The following MTR variants were observed in gnomAD, a reference collection of about 807,000 sequenced individuals.
MTR encodes 5-methyltetrahydrofolate-homocysteine methyltransferase, also known as methionine synthase.
A neutral mutation model predicts 154.8 loss-of-function variants in MTR; 84 were observed. The observed-to-expected ratio is 0.54, with a 90% confidence interval of 0.45 to 0.65. The LOEUF (loss-of-function observed/expected upper bound fraction) is 0.65, where lower values mean the gene tolerates loss of function less well. MTR is among the 30% of genes least tolerant of loss of function. The pLI is 0.00. For missense variants in MTR, 1,275 were observed against 1,570.2 expected, an observed-to-expected ratio of 0.81 and a Z score of 3.18; for synonymous variants, 554 against 553.9, an observed-to-expected ratio of 1.00 and a Z score of 0.00.
At chr1:236,885,618 C>T (rs1266977500) in intron 26 of MTR, among the ~76,000 whole-genome samples, 1 of 152,130 alleles carries the variant, frequency 6.6e-6, no homozygotes, top group Non-Finnish European at 1.5e-5. Flanking sequence ...GAGGCAGGAC[C>T]AGTATAAGCC....
chr1:236,846,575 A>G (rs958315834), intron 15 of MTR, among the ~76,000 whole-genome samples: 3 of 152,228 alleles, frequency 2.0e-5, no homozygotes, highest in African/African-American at 7.2e-5. Context: ...GAAAATAACA[A>G]GGAATTGGTA....
rs548294578 is a variant in MTR at position 236,838,373 on chromosome 1, C to T, written c.1330-41C>T. On this transcript the variant is annotated intron_variant, in intron 14 of 32. Coordinates refer to ENST00000366577, the MANE Select transcript of MTR (RefSeq NM_000254.3). ...GCCTTTGAAAAGTAATTTATAGTGACCTGTGGCCTCTGTGTGATTTTCTTG... is the reference window on the plus strand; with the variant it reads ...GCCTTTGAAAAGTAATTTATAGTGATCTGTGGCCTCTGTGTGATTTTCTTG... The T allele has an allele frequency of 5.7e-5, 91 of 1,598,980 alleles. No individual in the cohort carries two copies. The South Asian group carries it at 9.6e-4, about 17-fold the overall frequency.
rs67705775 is a variant in MTR, at chr1:236,897,645, C to CTTTTT, written c.*12_*16dup. On this transcript the variant is annotated 3_prime_UTR_variant, in exon 33 of 33. Coordinates refer to ENST00000366577, the MANE Select transcript of MTR (RefSeq NM_000254.3). ...CATTTTGGGATATGATACAGACTAA[C>CTTTTT]TTTTTTTTTTTTTTTGCCTTTTTTA... 1 of 1,505,672 alleles carries CTTTTT rather than the reference C, an allele frequency of 6.6e-7. No individual in the cohort carries two copies. The highest frequency in any genetic ancestry group is 2.3e-5 in the East Asian group (1 of 43,466). The allele number at this position is 1,505,672 out of a possible 1,614,324, so 93.3% of individuals were successfully genotyped here. A position where few individuals can be genotyped will look rare whatever the true frequency, so the allele number is the denominator to read the frequency against.
intron 1 of MTR, among the ~76,000 whole-genome samples, chr1:236,797,989 C>G (rs1558266833): frequency 6.7e-6 from 1 of 150,208 alleles, no homozygotes; most frequent in African/African-American, 2.5e-5. Flanking sequence ...AAAACAAAAC[C>G]AAAAAAACAA....
At chr1:236,819,788 G>A in intron 8 of MTR, 1 of 759,682 alleles carries the variant, frequency 1.3e-6, no homozygotes, top group Non-Finnish European at 2.4e-6. Flanking sequence ...TCATAAATCT[G>A]AAGAGGACCT....
chr1:236,893,424 T>C (rs896424192), intron 29 of MTR, among the ~76,000 whole-genome samples: 3 of 152,178 alleles, frequency 2.0e-5, no homozygotes, highest in Non-Finnish European at 4.4e-5. Context: ...GCATGGGTTG[T>C]GGTACCAGCC....
intron 27 of MTR, among the ~76,000 whole-genome samples, chr1:236,888,582 A>C (rs1666146404): frequency 6.6e-6 from 1 of 152,246 alleles, no homozygotes; most frequent in Admixed American, 6.5e-5. Context: ...GTAATAAATC[A>C]GCTTTTCCTT....
chr1:236,832,161 GAT>G (rs1662651236), intron 13 of MTR, 83 bp downstream of exon 13: 3 of 1,090,912 alleles, frequency 2.7e-6, no homozygotes, highest in Admixed American at 1.8e-5. Context: ...CTCTGCCTTT[GAT>G]AGTGTTATTA....
rs937660701 is a variant in MTR at position 236,880,615 on chromosome 1, C to T, written c.2595-140C>T. The T allele has an allele frequency of 3.9e-6, 3 of 760,448 alleles. No homozygotes were observed. In the Admixed American group the frequency reaches 6.1e-5, roughly 15 times the overall value. 47.1% of individuals were successfully genotyped at this position (760,448 alleles called of 1,614,324 possible). On this transcript the variant is annotated intron_variant, in intron 24 of 32. Coordinates refer to ENST00000366577, the MANE Select transcript of MTR (RefSeq NM_000254.3). ...TGTTTTACGAGGGAAATTTGAAGTT[C>T]AGTATTTGTAGGTAAGCACCTTGAA...
chr1:236,845,072 G>C (rs188056759), intron 15 of MTR, among the ~76,000 whole-genome samples: 111 of 152,322 alleles, frequency 7.3e-4, no homozygotes, highest in Admixed American at 2.4e-3. Context: ...TGACCACCGA[G>C]GTGGCGGCCA....
chr1:236,795,804 C>T (rs1572169876), intron 1 of MTR, 67 bp downstream of exon 1: 4 of 1,610,662 alleles, frequency 2.5e-6, no homozygotes, highest in Middle Eastern at 1.7e-4. Context: ...CCTCCTAATC[C>T]CTGGGGCGAT....
chr1:236,838,741 C>T, intron 15 of MTR, 142 bp downstream of exon 15: 3 of 844,152 alleles, frequency 3.6e-6, no homozygotes, highest in Non-Finnish European at 5.8e-6. Context: ...CATATATGTA[C>T]ACGTATCTGT....
chr1:236,830,243 G>A (rs1662534633), intron 12 of MTR, among the ~76,000 whole-genome samples: 1 of 151,870 alleles, frequency 6.6e-6, no homozygotes. Flanking sequence ...TGGGATTCAT[G>A]GTTTATGATA....
At position 236,891,211 on chromosome 1, in the gene MTR, G is replaced by A. The variant is rs768739478; in HGVS notation, c.3086G>A (p.Arg1029Gln). Reference protein sequence around the residue: ...TLISQKKLRARGVVGFWPAQS... With the variant: ...TLISQKKLRAQGVVGFWPAQS... ...ATTAGTCAAAAGAAACTCCGGGCCC[G>A]GGGTGTGGTTGGGTTCTGGCCAGCA... The change falls in exon 29 of 33, where the codon CGG (arginine) becomes CAG (glutamine). Residue 1029 changes from arginine to glutamine, a missense_variant. Coordinates refer to ENST00000366577, the MANE Select transcript of MTR (RefSeq NM_000254.3). The A allele has an allele frequency of 7.4e-6, 12 of 1,614,126 alleles. 1 individual carries two copies. The highest frequency in any genetic ancestry group is 3.3e-5 in the South Asian group (3 of 91,072).
Position 236,862,223 on chromosome 1 carries a change from C to CT in MTR, c.2197-6dup. ...GTTTGGGAAAGATACCTGATCTATGCTTTTTTTCTCAGGTTATAAAGTCAG... is the reference window on the plus strand; with the variant it reads ...GTTTGGGAAAGATACCTGATCTATGCTTTTTTTTCTCAGGTTATAAAGTCAG... On this transcript the variant is annotated splice_polypyrimidine_tract_variant and intron_variant, in intron 20 of 32. Transcript: ENST00000366577. The CT allele has an allele frequency of 1.2e-6, 2 of 1,602,468 alleles. 1 individual carries two copies.
At chr1:236,835,451 T>C in intron 13 of MTR, 96 bp from the exon 14 acceptor site, 2 of 1,493,310 alleles carry the variant, frequency 1.3e-6, no homozygotes. Flanking sequence ...TCTGTGTAAT[T>C]TGAAGGATTG....
At chr1:236,884,519 A>G (rs1197986686) in intron 25 of MTR, among the ~76,000 whole-genome samples, 2 of 152,176 alleles carry the variant, frequency 1.3e-5, no homozygotes, top group Admixed American at 1.3e-4. Context: ...CAAAAGGCAC[A>G]TAGGATGGAA....
rs202230081 is a variant in MTR, at chr1:236,894,421, A to G, written c.3269A>G (p.His1090Arg). Residue 1090 changes from histidine to arginine, a missense_variant, in exon 30 of 33, where the codon CAT becomes CGT. His to Arg is a conservative substitution (Grantham distance 29). Transcript: ENST00000366577. ...YCLSDFIAPL[H>R]SGIRDYLGLF... ...CTCTCAGACTTCATCGCTCCCTTGC[A>G]TTCTGGCATCCGTGACTACCTGGGC... The G allele has an allele frequency of 8.1e-6, 13 of 1,614,092 alleles. No homozygotes were observed. The South Asian group carries it at 8.8e-5, about 11-fold the overall frequency.
At chr1:236,828,403 T>C (rs1000689520) in intron 11 of MTR, among the ~76,000 whole-genome samples, 1 of 152,220 alleles carries the variant, frequency 6.6e-6, no homozygotes, top group Non-Finnish European at 1.5e-5. Flanking sequence ...AGGAGTTGTT[T>C]TAAATGTCTG....
Sources: allele counts gnomAD v4.1 joint callset (sites outside exome capture counted in the v4.1 genomes callset), GRCh38; gene constraint gnomAD v4.1.1; transcripts MANE v1.5; gene names NCBI Gene and HGNC (gene_info 2026-07-23, HGNC 2026-07-21).